Variants in TSPAN12 observed in about 807,000 individuals in gnomAD.
TSPAN12 encodes tetraspanin-12.
TSPAN12 carries 19 observed loss-of-function variants against 39.2 expected under a neutral mutation model. The ratio of observed to expected loss-of-function variants is 0.49; its 90% confidence interval spans 0.34 to 0.71. The LOEUF (loss-of-function observed/expected upper bound fraction) is 0.71. Among genes scored for constraint, TSPAN12 ranks in the 30% least tolerant of loss-of-function variants. The probability of loss-of-function intolerance (pLI) is 0.01; values close to 1 mark genes in which losing one functional copy is unlikely to be tolerated. For synonymous variants in TSPAN12, 119 were observed against 124.8 expected (o/e 0.95, Z 0.31); for missense variants, 314 against 359.9 (o/e 0.87, Z 1.03).
At chr7:120,806,520 C>T (rs1273681481) in intron 7 of TSPAN12, 29 bp downstream of exon 7, 3 of 1,607,228 alleles carry the variant, frequency 1.9e-6, no homozygotes, top group African/African-American at 1.3e-5. Flanking sequence ...AACATTTATC[C>T]ATAATAAATT....
At chr7:120,799,855 T>A (rs1051382312) in intron 7 of TSPAN12, among the ~76,000 whole-genome samples, 36 of 140,512 alleles carry the variant, frequency 2.6e-4, no homozygotes, top group African/African-American at 8.9e-4. Context: ...AATAATTTAA[T>A]AATTAATATG....
intron 2 of TSPAN12, among the ~76,000 whole-genome samples, chr7:120,853,859 TGAGACTCCGTCCCA>T (rs1794817741): frequency 7.3e-6 from 1 of 136,780 alleles, no homozygotes; most frequent in Non-Finnish European, 1.5e-5. Flanking sequence ...GGTGACAGAG[TGAGACTCCGTCCCA>T]AAAAAAAAAA....
chr7:120,799,419 TATTTA>T lies in TSPAN12; in HGVS notation c.612+7125_612+7129del, dbSNP rs998871953. Among the ~76,000 whole-genome samples, 6 of 140,022 alleles carry T rather than the reference TATTTA, an allele frequency of 4.3e-5. 1 individual carries two copies. In the South Asian group the frequency reaches 6.3e-4, roughly 15 times the overall value. The allele number at this position is 140,022 out of a possible 152,430, so 91.9% of individuals were successfully genotyped here. On this transcript the variant is annotated intron_variant, in intron 7 of 7. Coordinates refer to ENST00000222747, the MANE Select transcript of TSPAN12 (RefSeq NM_012338.4). ...TTATTATATTAAATATTTATTATAA[TATTTA>T]ATTTATTTATATATAATTTAATTTA... is the stretch of plus-strand genomic sequence containing the variant.
At chr7:120,826,578 A>G (rs1237497966) in intron 4 of TSPAN12, among the ~76,000 whole-genome samples, 1 of 152,192 alleles carries the variant, frequency 6.6e-6, no homozygotes, top group Non-Finnish European at 1.5e-5. Flanking sequence ...AAGGAGCCTT[A>G]GCAATATCTC....
At chr7:120,852,163 C>T (rs1308907656) in intron 2 of TSPAN12, among the ~76,000 whole-genome samples, 2 of 151,870 alleles carry the variant, frequency 1.3e-5, no homozygotes, top group Admixed American at 1.3e-4. Context: ...GAATGGGTTC[C>T]CAATGTTTTT....
intron 7 of TSPAN12, among the ~76,000 whole-genome samples, chr7:120,800,744 G>GTTTTTTTTTTTTT (rs148802163): frequency 4.2e-5 from 5 of 118,738 alleles, no homozygotes; most frequent in African/African-American, 6.4e-5. Context: ...TTTCCTTATC[G>GTTTTTTTTTTTTT]TTTTTTTTTG....
At chr7:120,835,756 C>A (rs1377967982) in intron 4 of TSPAN12, among the ~76,000 whole-genome samples, 2 of 152,184 alleles carry the variant, frequency 1.3e-5, no homozygotes, top group Non-Finnish European at 2.9e-5. Flanking sequence ...CTTCAATTAT[C>A]ATCAGTGTCA....
In TSPAN12 at chr7:120,846,488, CT is replaced by C. The variant is rs146508491; in HGVS notation, c.67-6380del. ...GTACAATTCATTATCAGTTTAGTTA[CT>C]ACATATAGGTCTTCCATTTTTAACA... On this transcript the variant is annotated intron_variant, in intron 2 of 7. Coordinates refer to ENST00000222747, the MANE Select transcript of TSPAN12 (RefSeq NM_012338.4). Among the ~76,000 whole-genome samples the C allele has an allele frequency of 3.8e-3, 586 of 152,230 alleles. 5 individuals carry two copies. The highest frequency in any genetic ancestry group is 0.013 in the African/African-American group (554 of 41,504).
At chr7:120,833,358 T>C (rs1234516189) in intron 4 of TSPAN12, among the ~76,000 whole-genome samples, 1 of 151,880 alleles carries the variant, frequency 6.6e-6, no homozygotes, top group Non-Finnish European at 1.5e-5. Flanking sequence ...AATCAATTAC[T>C]ACTTAAATAT....
intron 5 of TSPAN12, among the ~76,000 whole-genome samples, chr7:120,813,101 A>G (rs1010907818): frequency 1.3e-5 from 2 of 152,256 alleles, no homozygotes; most frequent in African/African-American, 4.8e-5. Context: ...AGTAACACAC[A>G]GGTTGATTGG....
intron 7 of TSPAN12, among the ~76,000 whole-genome samples, chr7:120,801,491 AG>A (rs1179303667): frequency 6.6e-6 from 1 of 152,238 alleles, no homozygotes; most frequent in East Asian, 1.9e-4. Flanking sequence ...ACAAGTGTGG[AG>A]GACATGTCTG....
chr7:120,820,134 A>T (rs1031265150), intron 4 of TSPAN12, among the ~76,000 whole-genome samples: 15 of 152,092 alleles, frequency 9.9e-5, no homozygotes, highest in African/African-American at 3.6e-4. Flanking sequence ...GTACCAGTCT[A>T]GTTTGCAAAG....
intron 4 of TSPAN12, among the ~76,000 whole-genome samples, chr7:120,820,296 T>A (rs909801071): frequency 6.6e-6 from 1 of 152,176 alleles, no homozygotes. Flanking sequence ...AGTTTGCTTA[T>A]CTGCCTGATA....
intron 2 of TSPAN12, among the ~76,000 whole-genome samples, chr7:120,848,879 T>C (rs1794721313): frequency 6.6e-6 from 1 of 152,232 alleles, no homozygotes; most frequent in African/African-American, 2.4e-5. Flanking sequence ...TGCATGCCTA[T>C]AGCAAGAAAC....
intron 2 of TSPAN12, among the ~76,000 whole-genome samples, chr7:120,854,685 G>A (rs1794836922): frequency 6.6e-6 from 1 of 152,118 alleles, no homozygotes; most frequent in South Asian, 2.1e-4. Flanking sequence ...TAACCCAAAT[G>A]AGAAACTAAT....
At chr7:120,845,684 T>G (rs567144660) in intron 2 of TSPAN12, among the ~76,000 whole-genome samples, 1 of 152,328 alleles carries the variant, frequency 6.6e-6, no homozygotes, top group East Asian at 1.9e-4. Flanking sequence ...CTCAGTAAGT[T>G]CCTCATCTTC....
At chr7:120,818,779 T>A (rs1794132685) in intron 4 of TSPAN12, among the ~76,000 whole-genome samples, 1 of 152,122 alleles carries the variant, frequency 6.6e-6, no homozygotes, top group African/African-American at 2.4e-5. Context: ...TACACAGTAC[T>A]CATGGTCAGC....
At chr7:120,847,352 A>G (rs2078943633) in intron 2 of TSPAN12, among the ~76,000 whole-genome samples, 1 of 152,200 alleles carries the variant, frequency 6.6e-6, no homozygotes, top group South Asian at 2.1e-4. Flanking sequence ...CTGAAAGATT[A>G]GACTATTCCT....
intron 7 of TSPAN12, among the ~76,000 whole-genome samples, chr7:120,800,849 C>T (rs188116432): frequency 6.9e-6 from 1 of 145,320 alleles, no homozygotes; most frequent in East Asian, 2.1e-4. Flanking sequence ...CCTAGGTTCA[C>T]CTCCCAGGTT....
Sources: allele counts gnomAD v4.1 joint callset (sites outside exome capture counted in the v4.1 genomes callset), GRCh38; gene constraint gnomAD v4.1.1; transcripts MANE v1.5; gene names NCBI Gene and HGNC (gene_info 2026-07-23, HGNC 2026-07-21).